Variants in RGS13 observed in about 807,000 individuals in gnomAD.
The protein encoded by RGS13 is regulator of G-protein signalling 13.
In RGS13, 14 loss-of-function variants were observed where a neutral mutation model predicts 19.9. The observed-to-expected ratio is 0.70, with a 90% CI of 0.46 to 1.10. RGS13 has a LOEUF of 1.10. Ranked by LOEUF, RGS13 falls within the 50% of genes least tolerant of loss-of-function variation. The pLI is 0.00. For synonymous variants in RGS13, 60 were observed against 56.8 expected (o/e 1.06, Z -0.25); for missense variants, 205 against 187.1 (o/e 1.10, Z -0.56).
intron 3 of RGS13, among the ~76,000 whole-genome samples, chr1:192,643,425 GAGTTAAAAACCT>G (rs1663160190): frequency 6.7e-6 from 1 of 149,884 alleles, no homozygotes; most frequent in Admixed American, 6.7e-5. Flanking sequence ...TTAAAGTCCT[GAGTTAAAAACCT>G]TCTATGATAT....
chr1:192,652,846 G>A (rs1663367163), intron 5 of RGS13, among the ~76,000 whole-genome samples: 1 of 152,024 alleles, frequency 6.6e-6, no homozygotes, highest in Non-Finnish European at 1.5e-5. Flanking sequence ...AGATGAATAA[G>A]CTGCAGTCCT....
chr1:192,658,067 T>C lies in RGS13; in HGVS notation c.128-134T>C, dbSNP rs1314930316. The C allele has an allele frequency of 6.4e-6, 4 of 629,456 alleles. No individual in the cohort carries two copies. The East Asian group carries it at 8.3e-5, about 13-fold the overall frequency. 39.0% of individuals were successfully genotyped at this position (629,456 alleles called of 1,614,324 possible). On this transcript the variant is annotated intron_variant, in intron 5 of 6. Transcript: ENST00000391995. ...TGTGATAGACATGAAAATTGATATA[T>C]AGAGATAGATATAAAATATTTACTT...
chr1:192,641,254 A>AG (rs1553257011), intron 3 of RGS13, among the ~76,000 whole-genome samples: 7 of 67,468 alleles, frequency 1.0e-4, no homozygotes, highest in African/African-American at 3.6e-4. Context: ...GAAAAGAAAG[A>AG]AAAGAAAGAA....
chr1:192,658,571 A>G, intron 6 of RGS13: 1 of 431,212 alleles, frequency 2.3e-6, no homozygotes, highest in Non-Finnish European at 4.1e-6. Context: ...TAAGTGGTAA[A>G]GTTAAGATTC....
chr1:192,649,550 A>G (rs537787622), intron 5 of RGS13, among the ~76,000 whole-genome samples: 1 of 152,252 alleles, frequency 6.6e-6, no homozygotes, highest in East Asian at 1.9e-4. Flanking sequence ...GTCTTTGAAT[A>G]TCATTCTTTT....
intron 3 of RGS13, among the ~76,000 whole-genome samples, chr1:192,641,235 A>AG (rs1663104702): frequency 1.2e-5 from 1 of 81,868 alleles, no homozygotes; most frequent in Non-Finnish European, 2.6e-5. Context: ...AAAGAAAGAA[A>AG]GAAAGAAAGA....
intron 5 of RGS13, among the ~76,000 whole-genome samples, chr1:192,649,890 G>A (rs1048446302): frequency 1.3e-5 from 2 of 152,048 alleles, no homozygotes; most frequent in Non-Finnish European, 2.9e-5. Context: ...TAGCCAGTTT[G>A]TGTATTGGGT....
rs1448480772 is a variant in RGS13 at position 192,644,325 on chromosome 1, C to T, written c.-4-6C>T. 1.3e-6 allele frequency: 2 copies of T among 1,597,706 alleles called. No homozygotes were observed. Among genetic ancestry groups the T allele is most frequent in the Non-Finnish European group, 1.7e-6 (2 of 1,166,760 alleles). ...AATTATACAAATATATACTGTATTT[C>T]CTTAGAAAAATGAGCAGGCGGAATT... On this transcript the variant is annotated splice_region_variant and splice_polypyrimidine_tract_variant and intron_variant, in intron 3 of 6. Coordinates refer to ENST00000391995, the MANE Select transcript of RGS13 (RefSeq NM_002927.5).
At chr1:192,640,088 G>A (rs1663079890) in intron 3 of RGS13, among the ~76,000 whole-genome samples, 1 of 152,110 alleles carries the variant, frequency 6.6e-6, no homozygotes, top group South Asian at 2.1e-4. Flanking sequence ...TAAAAATAGA[G>A]GGTAGGGGAG....
At chr1:192,652,985 T>C (rs750106100) in intron 5 of RGS13, among the ~76,000 whole-genome samples, 23 of 152,120 alleles carry the variant, frequency 1.5e-4, no homozygotes, top group Admixed American at 4.6e-4. Flanking sequence ...GCTTTAAAGA[T>C]TTTTCTCTAA....
chr1:192,641,244 G>GAAAGA (rs1402967524), intron 3 of RGS13, among the ~76,000 whole-genome samples: 12 of 95,260 alleles, frequency 1.3e-4, no homozygotes, highest in African/African-American at 3.8e-4. Context: ...AAGAAAGAAA[G>GAAAGA]AAAAGAAAGA....
rs140641386 is a variant in RGS13 at position 192,647,933 on chromosome 1, T to C, written c.73T>C (p.Leu25=). 1.2e-4 allele frequency: 199 copies of C among 1,595,000 alleles called. No individual in the cohort carries two copies. The highest frequency in any genetic ancestry group is 1.7e-4 in the Non-Finnish European group (193 of 1,169,576). Residue 25 remains leucine (L), a synonymous_variant, in exon 5 of 7, where the codon TTG becomes CTG. Transcript: ENST00000391995. ...TTTTGTTTCTTTTCAAAGCCTTACT[T>C]TGGAGGAAGTATTACAGTGGGCCCA... The part of the protein sequence containing the change: ...ESKRPPSNLT[L]EEVLQWAQSF...
intron 4 of RGS13, chr1:192,646,516 G>C (rs528170585): frequency 6.6e-6 from 1 of 152,210 alleles, no homozygotes; most frequent in Admixed American, 6.5e-5. Context: ...AAGTTCATGG[G>C]TACATGCGCA....
chr1:192,657,736 G>A (rs141324548), intron 5 of RGS13, among the ~76,000 whole-genome samples: 1 of 152,264 alleles, frequency 6.6e-6, no homozygotes, highest in Admixed American at 6.6e-5. Flanking sequence ...ACTAATTAGA[G>A]TATCACTCTT....
chr1:192,658,130 T>TA (rs1327394003), intron 5 of RGS13, 71 bp from the exon 6 acceptor site: 4 of 1,103,758 alleles, frequency 3.6e-6, no homozygotes, highest in Non-Finnish European at 5.2e-6. Context: ...GGCTTTTTTT[T>TA]AACTGTATTG....
At chr1:192,644,445 C>T (rs758937793) in intron 4 of RGS13, 46 bp downstream of exon 4, 8 of 1,371,022 alleles carry the variant, frequency 5.8e-6, no homozygotes, top group Non-Finnish European at 8.3e-6. Flanking sequence ...GCATATTTAT[C>T]AGATGATAAA....
chr1:192,644,596 A>AGAAT (rs934520956), intron 4 of RGS13, 197 bp downstream of exon 4: 2 of 507,758 alleles, frequency 3.9e-6, no homozygotes, highest in Non-Finnish European at 7.1e-6. Context: ...TTTACACTTG[A>AGAAT]GAATTCAGCA....
At chr1:192,643,213 G>C (rs1663156658) in intron 3 of RGS13, among the ~76,000 whole-genome samples, 1 of 152,020 alleles carries the variant, frequency 6.6e-6, no homozygotes, top group Admixed American at 6.6e-5. Flanking sequence ...GGACAGACAA[G>C]ATGTATATTG....
intron 1 of RGS13, among the ~76,000 whole-genome samples, chr1:192,637,254 C>T (rs1032043561): frequency 2.0e-5 from 3 of 151,694 alleles, no homozygotes; most frequent in African/African-American, 7.2e-5. Context: ...AAAGTACACA[C>T]TAGTTTTACC....
Sources: gnomAD v4.1 joint callset for allele counts (sites outside exome capture counted in the v4.1 genomes callset) on GRCh38, gnomAD v4.1.1 for gene constraint, MANE v1.5 for transcripts, NCBI Gene and HGNC (gene_info 2026-07-23, HGNC 2026-07-21) for gene names.